The following PCDHA3 variants were observed in gnomAD, a reference collection of about 807,000 sequenced individuals.
The protein encoded by PCDHA3 is protocadherin alpha 3.
In PCDHA3, 41 loss-of-function variants were observed where a neutral mutation model predicts 62.2. The observed-to-expected ratio is 0.66, with a 90% CI of 0.51 to 0.86. The LOEUF (loss-of-function observed/expected upper bound fraction) is 0.86. PCDHA3 is among the 40% of genes least tolerant of loss of function. PCDHA3 has a pLI of 0.00. For missense variants in PCDHA3, 1,304 were observed against 1,241.2 expected (o/e 1.05, Z -0.76); for synonymous variants, 640 against 555.4 (o/e 1.15, Z -2.14).
Position 140,966,695 on chromosome 5 carries a change from C to T in PCDHA3, c.2395-12254C>T, listed in dbSNP as rs2096038904. ...GGGTGGCACGAGCGGAGGCGGGGCC[C>T]GGGCGTGGGGCACGGCTGGGGAAGC... is the stretch of plus-strand genomic sequence containing the variant. On this transcript the variant is annotated intron_variant, in intron 1 of 3. Coordinates refer to ENST00000522353, the MANE Select transcript of PCDHA3 (RefSeq NM_018906.3). 4 of 1,358,486 alleles carry T rather than the reference C, an allele frequency of 2.9e-6. No individual in the cohort carries two copies. In the South Asian group the frequency reaches 5.2e-5, roughly 18 times the overall value. The allele number at this position is 1,358,486 out of a possible 1,614,324, so 84.2% of individuals were successfully genotyped here. A position where few individuals can be genotyped will look rare whatever the true frequency, so the allele number is the denominator to read the frequency against.
chr5:140,823,895 C>A, intron 1 of PCDHA3: 1 of 1,613,974 alleles, frequency 6.2e-7, no homozygotes. Context: ...TGTGCGGTGT[C>A]CAGCCTGCTG....
At position 140,927,047 on chromosome 5, in the gene PCDHA3, C is replaced by T. The variant is rs782800214; in HGVS notation, c.2395-51902C>T. On this transcript the variant is annotated intron_variant, in intron 1 of 3. Coordinates refer to ENST00000522353, the MANE Select transcript of PCDHA3 (RefSeq NM_018906.3). ...AGGCTGCCAGCGGCCGCTATGTCCT[C>T]GCGGAACTTTCGCTTCCTTTCCAGC... The T allele has an allele frequency of 2.5e-6, 4 of 1,612,066 alleles. No homozygotes were observed. The highest frequency in any genetic ancestry group is 1.7e-5 in the Admixed American group (1 of 59,932).
intron 1 of PCDHA3, among the ~76,000 whole-genome samples, chr5:140,975,853 C>T (rs1419464318): frequency 6.6e-6 from 1 of 152,126 alleles, no homozygotes; most frequent in African/African-American, 2.4e-5. Context: ...AATACTACAT[C>T]ACCCATATGG....
intron 1 of PCDHA3, among the ~76,000 whole-genome samples, chr5:140,916,853 T>G (rs1233420106): frequency 1.3e-5 from 2 of 152,160 alleles, no homozygotes; most frequent in East Asian, 3.9e-4. Flanking sequence ...AGCCCAGCAC[T>G]AGGAGTTACC....
chr5:140,999,011 A>G (rs2097843002), intron 3 of PCDHA3, among the ~76,000 whole-genome samples: 1 of 152,246 alleles, frequency 6.6e-6, no homozygotes, highest in Non-Finnish European at 1.5e-5. Flanking sequence ...CTGAGATTTG[A>G]ACCCAAGACT....
intron 1 of PCDHA3, chr5:140,857,217 C>T: frequency 1.9e-6 from 3 of 1,598,492 alleles, no homozygotes; most frequent in South Asian, 2.2e-5. Flanking sequence ...TCTCTGACGC[C>T]TCACGTTCCG....
At position 140,903,777 on chromosome 5, in the gene PCDHA3, T is replaced by C. The variant is rs80247548; in HGVS notation, c.2395-75172T>C. On this transcript the variant is annotated intron_variant, in intron 1 of 3. Transcript: ENST00000522353. ...GATTTTTGCTGAACTTTTCTATCCA[T>C]AAACTATCTATGGTTGTAATTGACA... 8.0e-3 allele frequency among the ~76,000 whole-genome samples: 1,216 copies of C among 152,334 alleles called. 6 individuals are homozygous for C. The highest frequency in any genetic ancestry group is 0.019 in the African/African-American group (784 of 41,582).
rs782671966 is a variant in PCDHA3 at position 140,857,602 on chromosome 5, G to T, written c.2394+54011G>T. ...ACGCGGAGAGCGGCAAGGTGTACGCGCTGCAGCCGCTGGACCACGAGGAGC... is the reference window on the plus strand; with the variant it reads ...ACGCGGAGAGCGGCAAGGTGTACGCTCTGCAGCCGCTGGACCACGAGGAGC... On this transcript the variant is annotated intron_variant, in intron 1 of 3. Coordinates refer to ENST00000522353, the MANE Select transcript of PCDHA3 (RefSeq NM_018906.3). 17 of 1,596,266 alleles carry T rather than the reference G, an allele frequency of 1.1e-5. 1 individual carries two copies. Among genetic ancestry groups the T allele is most frequent in the Non-Finnish European group, 1.5e-5 (17 of 1,167,710 alleles).
intron 1 of PCDHA3, among the ~76,000 whole-genome samples, chr5:140,818,327 G>A (rs2150100834): frequency 0.059 from 8,913 of 152,042 alleles, 865 homozygotes; most frequent in African/African-American, 0.2. Context: ...ATTTTATCTT[G>A]TTATTCTAGG....
In PCDHA3 at chr5:140,999,778, T is replaced by G. The variant is rs1252583642; in HGVS notation, c.2543-9849T>G. On this transcript the variant is annotated intron_variant, in intron 3 of 3. Coordinates refer to ENST00000522353, the MANE Select transcript of PCDHA3 (RefSeq NM_018906.3). ...ACATGATGTCTTTATACTCTTAACC[T>G]AGAAATGGCAGAGTTATTTTGGGCA... 3.0e-4 allele frequency among the ~76,000 whole-genome samples: 46 copies of G among 152,162 alleles called. 1 individual carries two copies.
At chr5:140,984,581 C>G (rs141574202) in intron 3 of PCDHA3, among the ~76,000 whole-genome samples, 5 of 152,158 alleles carry the variant, frequency 3.3e-5, no homozygotes, top group African/African-American at 1.2e-4. Context: ...GCAACCTAAT[C>G]ATACTTTTCA....
At chr5:140,877,316 C>T in intron 1 of PCDHA3, 1 of 1,613,948 alleles carries the variant, frequency 6.2e-7, no homozygotes. Flanking sequence ...CAACCGGCGG[C>T]GGTCGGCGCG....
At position 140,935,795 on chromosome 5, in the gene PCDHA3, C is replaced by CTT. The variant is rs555560136; in HGVS notation, c.2395-43154_2395-43153insTT. ...GAGTTTTTTCACTTAAAAATATAAA[C>CTT]GAGATTATTTCATAGTAGTATAGTA... On this transcript the variant is annotated intron_variant, in intron 1 of 3. Coordinates refer to ENST00000522353, the MANE Select transcript of PCDHA3 (RefSeq NM_018906.3). 5.4e-3 allele frequency among the ~76,000 whole-genome samples: 824 copies of CTT among 151,876 alleles called. 3 individuals are homozygous for CTT. Among genetic ancestry groups the CTT allele is most frequent in the African/African-American group, 0.019 (793 of 41,436 alleles).
chr5:140,870,305 A>G lies in PCDHA3; in HGVS notation c.2394+66714A>G, dbSNP rs201733980. 1.4e-4 allele frequency: 226 copies of G among 1,614,156 alleles called. No homozygotes were observed. In the African/African-American group the frequency reaches 2.3e-3, roughly 17 times the overall value. On this transcript the variant is annotated intron_variant, in intron 1 of 3. Transcript: ENST00000522353. ...CCCTTCAAGCTGGTGTCCACCTTCA[A>G]GAATTACTACTCGTTGGTGCTGGAC...
chr5:140,814,991 T>C (rs1243130141), intron 1 of PCDHA3: 2 of 152,234 alleles, frequency 1.3e-5, no homozygotes, highest in Admixed American at 1.3e-4. Flanking sequence ...TTTTGTGTGA[T>C]GTAGCTGTTT....
chr5:140,857,371 T>C (rs1203627643), intron 1 of PCDHA3: 2 of 1,598,092 alleles, frequency 1.3e-6, no homozygotes, highest in African/African-American at 2.7e-5. Flanking sequence ...CCAGCGTGTC[T>C]GTGGAGGTGG....
At chr5:140,823,760 C>T (rs2150128884) in intron 1 of PCDHA3, 2 of 1,613,900 alleles carry the variant, frequency 1.2e-6, no homozygotes, top group East Asian at 2.2e-5. Context: ...ACAGCCACAG[C>T]CACAGTGCTG....
chr5:140,897,769 C>T (rs1441051679), intron 1 of PCDHA3, among the ~76,000 whole-genome samples: 2 of 152,198 alleles, frequency 1.3e-5, no homozygotes, highest in Non-Finnish European at 2.9e-5. Flanking sequence ...GCCACACTGA[C>T]TTCCACAATG....
intron 1 of PCDHA3, chr5:140,836,307 G>T: frequency 6.2e-7 from 1 of 1,613,740 alleles, no homozygotes; most frequent in Non-Finnish European, 8.5e-7. Context: ...TGAGACGGAC[G>T]CACCGCGCCA....
Sources: allele counts gnomAD v4.1 joint callset (sites outside exome capture counted in the v4.1 genomes callset), GRCh38; gene constraint gnomAD v4.1.1; transcripts MANE v1.5; gene names NCBI Gene and HGNC (gene_info 2026-07-23, HGNC 2026-07-21).